Variants in KCNQ5 observed in about 807,000 individuals in gnomAD.
The protein encoded by KCNQ5 is potassium voltage-gated channel subfamily Q member 5.
Under a neutral mutation model 98.2 loss-of-function variants are expected in KCNQ5, and 30 were observed. The observed-to-expected ratio is 0.31, with a 90% CI of 0.23 to 0.41. The LOEUF is 0.41. KCNQ5 is among the 10% of genes least tolerant of loss of function. KCNQ5 has a pLI of 1.00. For missense variants in KCNQ5, 835 were observed against 1,182.5 expected (o/e 0.71, Z 4.31); for synonymous variants, 458 against 449.4 (o/e 1.02, Z -0.24).
At chr6:73,130,826 G>C (rs1339817803) in intron 9 of KCNQ5, among the ~76,000 whole-genome samples, 3 of 152,110 alleles carry the variant, frequency 2.0e-5, no homozygotes, top group Non-Finnish European at 4.4e-5. Flanking sequence ...ATTTTGCCTG[G>C]TTAAAAAGTT....
At chr6:72,898,340 T>A (rs1266576290) in intron 1 of KCNQ5, among the ~76,000 whole-genome samples, 1 of 152,050 alleles carries the variant, frequency 6.6e-6, no homozygotes, top group Non-Finnish European at 1.5e-5. Flanking sequence ...CACCCCCGGC[T>A]ATAGGCCCCA....
chr6:73,124,579 G>C (rs988108801), intron 9 of KCNQ5, 67 bp downstream of exon 9: 2 of 1,380,782 alleles, frequency 1.4e-6, no homozygotes, highest in Non-Finnish European at 2.1e-6. Context: ...TTTTAAATGT[G>C]TCTCATGTGA....
intron 1 of KCNQ5, among the ~76,000 whole-genome samples, chr6:72,775,062 T>C (rs9446753): frequency 0.61 from 92,433 of 152,078 alleles, 28,189 homozygotes; most frequent in Admixed American, 0.65. Flanking sequence ...AACTATCCAA[T>C]GCACAGCAAC....
chr6:72,994,272 T>G (rs1206075992), intron 1 of KCNQ5, among the ~76,000 whole-genome samples: 58 of 55,084 alleles, frequency 1.1e-3, no homozygotes, highest in South Asian at 2.0e-3. Context: ...GTTGCCGCCT[T>G]GCAGTTTGAT....
At chr6:73,162,244 A>AT (rs1777643256) in intron 10 of KCNQ5, among the ~76,000 whole-genome samples, 1 of 152,114 alleles carries the variant, frequency 6.6e-6, no homozygotes, top group Non-Finnish European at 1.5e-5. Flanking sequence ...CTCTTTTTAA[A>AT]TGTCAGGGAA....
At chr6:72,940,941 T>A (rs886151003) in intron 1 of KCNQ5, among the ~76,000 whole-genome samples, 8 of 152,100 alleles carry the variant, frequency 5.3e-5, no homozygotes, top group Non-Finnish European at 1.2e-4. Context: ...GGGAAAAAAA[T>A]TTAAATTAAA....
chr6:72,913,769 C>T (rs1780031635), intron 1 of KCNQ5, among the ~76,000 whole-genome samples: 1 of 152,170 alleles, frequency 6.6e-6, no homozygotes, highest in Admixed American at 6.5e-5. Flanking sequence ...GGAAAGCTTA[C>T]AGATTCGTTT....
intron 9 of KCNQ5, 199 bp downstream of exon 9, chr6:73,124,711 C>T: frequency 3.4e-6 from 2 of 590,436 alleles, no homozygotes; most frequent in South Asian, 2.1e-5. Flanking sequence ...TAACTCACTC[C>T]CTGCTTTTTC....
rs61743058 is a variant in KCNQ5, at chr6:73,194,834, C to T, written c.2219C>T (p.Pro740Leu). 74,687 of 1,614,116 alleles carry T rather than the reference C, an allele frequency of 0.046. 2,034 individuals carry two copies. The highest frequency in any genetic ancestry group is 0.054 in the Middle Eastern group (328 of 6,062). Reference protein sequence around the residue: ...NTIANQINTAPKPAAPTTLQI... With the variant: ...NTIANQINTALKPAAPTTLQI... Reference sequence around the variant, plus strand: ...ATTGCAAACCAAATAAATACGGCACCCAAGCCAGCAGCCCCAACAACTTTA... The same window carrying T: ...ATTGCAAACCAAATAAATACGGCACTCAAGCCAGCAGCCCCAACAACTTTA... Residue 740 changes from proline (P) to leucine (L), a missense_variant, in exon 14 of 14, where the codon CCC (proline) becomes CTC (leucine). Coordinates refer to ENST00000370398, the MANE Select transcript of KCNQ5 (RefSeq NM_019842.4).
At chr6:72,912,177 C>T (rs149637021) in intron 1 of KCNQ5, among the ~76,000 whole-genome samples, 3 of 152,158 alleles carry the variant, frequency 2.0e-5, no homozygotes, top group Non-Finnish European at 4.4e-5. Flanking sequence ...GGATAGGATC[C>T]AGTATACTCA....
intron 1 of KCNQ5, among the ~76,000 whole-genome samples, chr6:72,872,603 C>T (rs1176217921): frequency 1.3e-5 from 2 of 152,070 alleles, no homozygotes; most frequent in Non-Finnish European, 2.9e-5. Context: ...CCCTAATGTG[C>T]TTAAGTAATT....
intron 1 of KCNQ5, among the ~76,000 whole-genome samples, chr6:72,775,641 G>T (rs112665404): frequency 1.4e-4 from 22 of 152,082 alleles, no homozygotes; most frequent in African/African-American, 5.3e-4. Context: ...GATTGCGGTC[G>T]ACATCATCAC....
chr6:73,053,669 C>T (rs1398229579), intron 3 of KCNQ5, among the ~76,000 whole-genome samples: 1 of 152,122 alleles, frequency 6.6e-6, no homozygotes, highest in Admixed American at 6.5e-5. Context: ...AAAGATACTA[C>T]ATACCAGAAT....
intron 8 of KCNQ5, among the ~76,000 whole-genome samples, chr6:73,124,198 C>G (rs1207156617): frequency 6.6e-6 from 1 of 152,202 alleles, no homozygotes; most frequent in African/African-American, 2.4e-5. Flanking sequence ...ACCACTTTTT[C>G]TTAGCCATGG....
intron 1 of KCNQ5, among the ~76,000 whole-genome samples, chr6:72,765,315 C>T (rs1772513749): frequency 6.6e-6 from 1 of 151,798 alleles, no homozygotes; most frequent in Admixed American, 6.6e-5. Flanking sequence ...TGTGGGGGAA[C>T]AGTGGGCAGG....
chr6:72,937,726 G>A (rs1470594189), intron 1 of KCNQ5, among the ~76,000 whole-genome samples: 3 of 152,072 alleles, frequency 2.0e-5, no homozygotes, highest in African/African-American at 7.2e-5. Flanking sequence ...ACTCTTTTAA[G>A]TTCTCTGTTA....
At chr6:73,105,759 T>C (rs1019890948) in intron 6 of KCNQ5, among the ~76,000 whole-genome samples, 11 of 152,228 alleles carry the variant, frequency 7.2e-5, no homozygotes, top group African/African-American at 2.4e-4. Context: ...TGGAGTATTT[T>C]TCTCTTCAGA....
chr6:73,027,208 G>T (rs1045663545), intron 2 of KCNQ5, among the ~76,000 whole-genome samples: 3 of 152,158 alleles, frequency 2.0e-5, no homozygotes, highest in Admixed American at 2.0e-4. Flanking sequence ...TGCAAATACA[G>T]ATCAAGGAAC....
At chr6:72,779,079 A>C (rs1773314782) in intron 1 of KCNQ5, among the ~76,000 whole-genome samples, 1 of 152,174 alleles carries the variant, frequency 6.6e-6, no homozygotes. Flanking sequence ...TGTGGATGAA[A>C]TTGGAAGGAG....
Sources: gnomAD v4.1 joint callset for allele counts (sites outside exome capture counted in the v4.1 genomes callset) on GRCh38, gnomAD v4.1.1 for gene constraint, MANE v1.5 for transcripts, NCBI Gene and HGNC (gene_info 2026-07-23, HGNC 2026-07-21) for gene names.